Variants in TMEM151B observed in about 807,000 individuals in gnomAD.
The protein encoded by TMEM151B is transmembrane protein 151B, also known as transmembrane protein 193.
A neutral mutation model predicts 33.0 loss-of-function variants in TMEM151B; 18 were observed. The ratio of observed to expected loss-of-function variants is 0.55; its 90% confidence interval spans 0.38 to 0.81. The LOEUF (loss-of-function observed/expected upper bound fraction) is 0.81. TMEM151B is among the 30% of genes least tolerant of loss of function. TMEM151B has a pLI of 0.00. For missense variants in TMEM151B, 672 were observed against 843.4 expected, an observed-to-expected ratio of 0.80 and a Z score of 2.52; for synonymous variants, 354 against 373.6, an observed-to-expected ratio of 0.95 and a Z score of 0.61.
At chr6:44,272,070 G>A (rs1782382604) in intron 1 of TMEM151B, among the ~76,000 whole-genome samples, 1 of 152,164 alleles carries the variant, frequency 6.6e-6, no homozygotes, top group Non-Finnish European at 1.5e-5. Flanking sequence ...GGGCCCTCAG[G>A]AGTACCCAGT....
At chr6:44,272,618 GT>G (rs1782408797) in intron 1 of TMEM151B, among the ~76,000 whole-genome samples, 1 of 152,172 alleles carries the variant, frequency 6.6e-6, no homozygotes, top group South Asian at 2.1e-4. Context: ...CCTGGAAGGG[GT>G]CTGGGCTGGG....
At chr6:44,273,607 CA>C in intron 2 of TMEM151B, 101 bp downstream of exon 2, 3 of 1,299,624 alleles carry the variant, frequency 2.3e-6, no homozygotes, top group Non-Finnish European at 1.0e-6. Context: ...GTGGGAGGAG[CA>C]AAAGGCAGCA....
rs1782644105 is a variant in TMEM151B at position 44,277,599 on chromosome 6, T to G, written c.*1072T>G. 1 of 151,738 alleles carries G rather than the reference T, an allele frequency of 6.6e-6. No individual in the cohort carries two copies. Among genetic ancestry groups the G allele is most frequent in the Admixed American group, 6.6e-5 (1 of 15,232 alleles). The allele number at this position is 151,738 out of a possible 1,614,324, so 9.4% of individuals were successfully genotyped here. ...GCCTCCCTAAACCTGTGCGGAGGAG[T>G]GGAGTGTGCTTGTCGCTCAAACACA... On this transcript the variant is annotated 3_prime_UTR_variant, in exon 3 of 3. Coordinates refer to ENST00000451188, the MANE Select transcript of TMEM151B (RefSeq NM_001137560.2).
chr6:44,273,149 CG>C lies in TMEM151B; in HGVS notation c.221del (p.Gly74AlafsTer14). ...GCCTCCTGCTCTCGCTGCTCATGTA[CG>C]GCTGCCTGGGGGCAGTGGCCTGGTG... ...KCLLLSLLMY[G>X]CLGAVAWCHV... On this transcript the variant is annotated frameshift_variant, in exon 2 of 3. Coordinates refer to ENST00000451188, the MANE Select transcript of TMEM151B (RefSeq NM_001137560.2). LOFTEE classifies it high-confidence loss of function. 6.5e-7 allele frequency: 1 copy of C among 1,543,324 alleles called. No homozygotes were observed. Among genetic ancestry groups the C allele is most frequent in the Non-Finnish European group, 8.8e-7 (1 of 1,141,202 alleles).
chr6:44,272,016 C>G (rs1782379754), intron 1 of TMEM151B, among the ~76,000 whole-genome samples: 1 of 151,932 alleles, frequency 6.6e-6, no homozygotes, highest in Non-Finnish European at 1.5e-5. Flanking sequence ...CTGCTGGGGG[C>G]CAGCACCATG....
chr6:44,277,666 G>T lies in TMEM151B; in HGVS notation c.*1139G>T, dbSNP rs1561919238. ...GACGTTGTCACAAGCCCCAACTGGAGAAATAATTCCAATGGCAGGGTCAGA... is the reference window on the plus strand; with the variant it reads ...GACGTTGTCACAAGCCCCAACTGGATAAATAATTCCAATGGCAGGGTCAGA... On this transcript the variant is annotated 3_prime_UTR_variant, in exon 3 of 3. Coordinates refer to ENST00000451188, the MANE Select transcript of TMEM151B (RefSeq NM_001137560.2). 1 of 152,234 alleles carries T rather than the reference G, an allele frequency of 6.6e-6. No individual in the cohort carries two copies. The highest frequency in any genetic ancestry group is 1.5e-5 in the Non-Finnish European group (1 of 68,074). The allele number at this position is 152,234 out of a possible 1,614,324, so 9.4% of individuals were successfully genotyped here.
chr6:44,276,905 G>T lies in TMEM151B; in HGVS notation c.*378G>T. On this transcript the variant is annotated 3_prime_UTR_variant, in exon 3 of 3. Coordinates refer to ENST00000451188, the MANE Select transcript of TMEM151B (RefSeq NM_001137560.2). The stretch of plus-strand genomic sequence containing the variant: ...AAGGGAGAGGCCCTGGCATGCGGAT[G>T]GGAGATTTAGAGGCTGTGGAGAAGG... 5.4e-6 allele frequency: 1 copy of T among 184,338 alleles called. No individual in the cohort carries two copies. Among genetic ancestry groups the T allele is most frequent in the Non-Finnish European group, 1.1e-5 (1 of 90,044 alleles). The allele number at this position is 184,338 out of a possible 1,614,324, so 11.4% of individuals were successfully genotyped here. A position where few individuals can be genotyped will look rare whatever the true frequency, so the allele number is the denominator to read the frequency against.
intron 2 of TMEM151B, among the ~76,000 whole-genome samples, chr6:44,273,713 T>C (rs1231229874): frequency 6.6e-6 from 1 of 152,232 alleles, no homozygotes; most frequent in African/African-American, 2.4e-5. Context: ...GCTCTAAGTA[T>C]TTTACACACA....
chr6:44,272,457 G>A (rs1030370633), intron 1 of TMEM151B, among the ~76,000 whole-genome samples: 3 of 152,146 alleles, frequency 2.0e-5, no homozygotes, highest in East Asian at 1.9e-4. Context: ...TCCAAAGGAC[G>A]TGTTAGGCTA....
chr6:44,276,326 C>A lies in TMEM151B; in HGVS notation c.1500C>A (p.Cys500Ter). 6.9e-7 allele frequency: 1 copy of A among 1,459,166 alleles called. No homozygotes were observed. Among genetic ancestry groups the A allele is most frequent in the Non-Finnish European group, 9.0e-7 (1 of 1,106,270 alleles). The allele number at this position is 1,459,166 out of a possible 1,614,324, so 90.4% of individuals were successfully genotyped here. ...GCGGGAGCGTCAACGAGGCCAGCTG[C>A]CCCACGGAGCAGACGCGGCTGTCCA... ...SRSGSVNEASCPTEQTRLSSQ... is the reference protein window; with the variant it reads ...SRSGSVNEAS Residue 500 changes from cysteine (C) to a stop codon, truncating the protein, a stop_gained, in exon 3 of 3, where the codon TGC (cysteine) becomes TGA (stop). Transcript: ENST00000451188. LOFTEE classifies it high-confidence loss of function.
In TMEM151B at chr6:44,275,700, C is replaced by T. The variant is rs1274907867; in HGVS notation, c.874C>T (p.Arg292Trp). 1 of 1,550,618 alleles carries T rather than the reference C, an allele frequency of 6.4e-7. No homozygotes were observed. Among genetic ancestry groups the T allele is most frequent in the Admixed American group, 2.0e-5 (1 of 51,002 alleles). ...CATGGTGGCCTTCCCGGACCCGGCC[C>T]GGCCGCCCTGGTACGCCTGCTCGTC... Reference protein sequence around the residue: ...EFMVAFPDPARPPWYACSSAF... With the variant: ...EFMVAFPDPAWPPWYACSSAF... The change falls in exon 3 of 3, where the codon CGG (arginine) becomes TGG (tryptophan). Residue 292 changes from arginine to tryptophan, a missense_variant. Arg to Trp is a moderately radical substitution (Grantham distance 101, BLOSUM62 -3). Coordinates refer to ENST00000451188, the MANE Select transcript of TMEM151B (RefSeq NM_001137560.2).
rs1583016134 is a variant in TMEM151B at position 44,276,159 on chromosome 6, A to G, written c.1333A>G (p.Ile445Val). 6 of 1,312,882 alleles carry G rather than the reference A, an allele frequency of 4.6e-6. No individual in the cohort carries two copies. Among genetic ancestry groups the G allele is most frequent in the East Asian group, 3.1e-5 (1 of 31,824 alleles). The allele number at this position is 1,312,882 out of a possible 1,614,324, so 81.3% of individuals were successfully genotyped here. ...CCAGCGCGCCGTCAGCAGCTCGTCT[A>G]TCTTCTCGCGCAGCGCCCTAAGCAT... ...HCQRAVSSSS[I>V]FSRSALSICA... is the part of the protein sequence containing the mutation. Residue 445 changes from isoleucine to valine, a missense_variant, in exon 3 of 3, where the codon ATC becomes GTC. Ile to Val is a conservative substitution (Grantham distance 29). This residue lies in a region of TMEM151B where 324 missense variants were observed against 363.1 expected (regional missense o/e 0.89). Coordinates refer to ENST00000451188, the MANE Select transcript of TMEM151B (RefSeq NM_001137560.2).
Position 44,276,520 on chromosome 6 carries a change from C to T in TMEM151B, c.1694C>T (p.Ser565Leu). 1 of 1,363,136 alleles carries T rather than the reference C, an allele frequency of 7.3e-7. No individual in the cohort carries two copies. Among genetic ancestry groups the T allele is most frequent in the Non-Finnish European group, 9.5e-7 (1 of 1,052,156 alleles). The allele number at this position is 1,363,136 out of a possible 1,614,324, so 84.4% of individuals were successfully genotyped here. The change falls in exon 3 of 3, where the codon TCA becomes TTA. Residue 565 changes from serine to leucine, a missense_variant. This residue lies in a region of TMEM151B where 324 missense variants were observed against 363.1 expected (regional missense o/e 0.89). Coordinates refer to ENST00000451188, the MANE Select transcript of TMEM151B (RefSeq NM_001137560.2). ...LHRHGSCVET[S>L]L Reference sequence around the variant, plus strand: ...CGCCACGGCTCCTGCGTAGAGACCTCACTGTGACCTCCGGCCCCGGAGTGG... The same window carrying T: ...CGCCACGGCTCCTGCGTAGAGACCTTACTGTGACCTCCGGCCCCGGAGTGG...
Position 44,276,631 on chromosome 6 carries a change from G to C in TMEM151B, c.*104G>C. The C allele has an allele frequency of 7.8e-7, 1 of 1,285,658 alleles. No individual in the cohort carries two copies. Among genetic ancestry groups the C allele is most frequent in the South Asian group, 2.5e-5 (1 of 40,604 alleles). The allele number at this position is 1,285,658 out of a possible 1,614,324, so 79.6% of individuals were successfully genotyped here. A position where few individuals can be genotyped will look rare whatever the true frequency, so the allele number is the denominator to read the frequency against. ...GTCACCACGGTGACTGAGGCCGCGC[G>C]GGGGGCAGGGAAAGGGAGGTGAGGG... On this transcript the variant is annotated 3_prime_UTR_variant, in exon 3 of 3. Transcript: ENST00000451188.
rs1782724008 is a variant in TMEM151B, at chr6:44,279,370, TTTTTGTCGTGGA to T, written c.*2847_*2858del. The stretch of plus-strand genomic sequence containing the variant: ...CAATTGGGTGCATCACACTGTGGCC[TTTTTGTCGTGGA>T]TTTAAGCGCAAAGATTGTACAAATC... On this transcript the variant is annotated 3_prime_UTR_variant, in exon 3 of 3. Coordinates refer to ENST00000451188, the MANE Select transcript of TMEM151B (RefSeq NM_001137560.2). The T allele has an allele frequency of 6.6e-6, 1 of 152,264 alleles. No individual in the cohort carries two copies. The allele number at this position is 152,264 out of a possible 1,614,324, so 9.4% of individuals were successfully genotyped here. A position where few individuals can be genotyped will look rare whatever the true frequency, so the allele number is the denominator to read the frequency against.
intron 1 of TMEM151B, among the ~76,000 whole-genome samples, chr6:44,271,742 T>G (rs992996019): frequency 6.6e-6 from 1 of 152,220 alleles, no homozygotes; most frequent in Non-Finnish European, 1.5e-5. Context: ...CTAGCTCGCC[T>G]AACTATCCAT....
At chr6:44,275,114 T>G (rs1782519878) in intron 2 of TMEM151B, among the ~76,000 whole-genome samples, 1 of 60,810 alleles carries the variant, frequency 1.6e-5, no homozygotes, top group South Asian at 5.6e-4. Context: ...CCAGACTCCA[T>G]CTCAAAAAAA....
At position 44,276,197 on chromosome 6, in the gene TMEM151B, G is replaced by A. The variant is rs1029150361; in HGVS notation, c.1371G>A (p.Pro457=). The change falls in exon 3 of 3, where the codon CCG becomes CCA. Residue 457 remains proline (P), a synonymous_variant. Transcript: ENST00000451188. ...GCGCCCTAAGCATCTGCGCCAGCCC[G>A]CGGGCCGGCCCGGGGCCCGGTGGGG... ...SRSALSICAS[P]RAGPGPGGGA... 3.1e-6 allele frequency: 4 copies of A among 1,288,728 alleles called. No individual in the cohort carries two copies. Among genetic ancestry groups the A allele is most frequent in the Non-Finnish European group, 2.0e-6 (2 of 1,022,486 alleles). The allele number at this position is 1,288,728 out of a possible 1,614,324, so 79.8% of individuals were successfully genotyped here.
rs1782706227 is a variant in TMEM151B at position 44,278,961 on chromosome 6, G to T, written c.*2434G>T. 6.6e-6 allele frequency: 1 copy of T among 152,124 alleles called. No homozygotes were observed. The highest frequency in any genetic ancestry group is 2.4e-5 in the African/African-American group (1 of 41,398). The allele number at this position is 152,124 out of a possible 1,614,324, so 9.4% of individuals were successfully genotyped here. On this transcript the variant is annotated 3_prime_UTR_variant, in exon 3 of 3. Coordinates refer to ENST00000451188, the MANE Select transcript of TMEM151B (RefSeq NM_001137560.2). ...GTCAGGCACAGACAGACTCTAGGTT[G>T]CCTAGACAGGCACACACATGCAGTC... is the stretch of plus-strand genomic sequence containing the variant.
Sources: gnomAD v4.1 joint callset for allele counts (sites outside exome capture counted in the v4.1 genomes callset) on GRCh38, gnomAD v4.1.1 for gene constraint, gnomAD v4.1.1 regional missense constraint, MANE v1.5 for transcripts, NCBI Gene and HGNC (gene_info 2026-07-23, HGNC 2026-07-21) for gene names.